Variants in FER observed in about 807,000 individuals in gnomAD.
FER encodes the protein FER tyrosine kinase, also known as tyrosine-protein kinase Fer.
Under a neutral mutation model 111.0 loss-of-function variants are expected in FER, and 63 were observed. The ratio of observed to expected loss-of-function variants is 0.57; its 90% CI spans 0.46 to 0.70. The LOEUF is 0.70. Ranked by LOEUF, FER falls within the 30% of genes least tolerant of loss-of-function variation. The pLI is 0.00. For missense variants in FER, 914 were observed against 954.0 expected (o/e 0.96, Z 0.55); for synonymous variants, 327 against 313.9 (o/e 1.04, Z -0.44).
intron 13 of FER, among the ~76,000 whole-genome samples, chr5:109,001,186 G>A (rs1764716719): frequency 6.6e-6 from 1 of 152,056 alleles, no homozygotes; most frequent in South Asian, 2.1e-4. Flanking sequence ...CAAAAAAAGA[G>A]AATTTTAGAC....
rs189284714 is a variant in FER, at chr5:108,863,313, G to A, written c.482-4454G>A. 4.9e-3 allele frequency among the ~76,000 whole-genome samples: 740 copies of A among 152,218 alleles called. 6 individuals carry two copies. Among genetic ancestry groups the A allele is most frequent in the Middle Eastern group, 0.014 (4 of 294 alleles). On this transcript the variant is annotated intron_variant, in intron 5 of 19. Transcript: ENST00000281092. ...TGTTTTGTATTTTAGTAGAGATGGG[G>A]TTTCACTGTGTTGGCCAGGCTGGCC... is the stretch of plus-strand genomic sequence containing the variant.
At chr5:109,147,682 G>A (rs1053801202) in intron 17 of FER, among the ~76,000 whole-genome samples, 1 of 151,700 alleles carries the variant, frequency 6.6e-6, no homozygotes, top group Non-Finnish European at 1.5e-5. Flanking sequence ...AGGCAGGCCA[G>A]ATGTTAGAAT....
chr5:109,080,534 G>A (rs1358919469), intron 16 of FER, among the ~76,000 whole-genome samples: 2 of 152,054 alleles, frequency 1.3e-5, no homozygotes, highest in East Asian at 3.8e-4. Flanking sequence ...GAATCAAGGA[G>A]TTGATTCTTA....
At chr5:109,131,660 A>G (rs79740979) in intron 17 of FER, among the ~76,000 whole-genome samples, 6,382 of 152,194 alleles carry the variant, frequency 0.042, 164 homozygotes, top group South Asian at 0.084. Flanking sequence ...TCTTTTCCCC[A>G]CATAACTGAT....
intron 3 of FER, among the ~76,000 whole-genome samples, chr5:108,817,696 A>G (rs75258317): frequency 6.6e-6 from 1 of 152,216 alleles, no homozygotes; most frequent in Non-Finnish European, 1.5e-5. Context: ...GAGCACTTAA[A>G]TTAATACCTG....
intron 11 of FER, among the ~76,000 whole-genome samples, chr5:108,947,164 A>C (rs949996836): frequency 6.6e-6 from 1 of 151,856 alleles, no homozygotes; most frequent in Non-Finnish European, 1.5e-5. Flanking sequence ...GTTCGTTTTC[A>C]AGTGTTTTTC....
intron 10 of FER, among the ~76,000 whole-genome samples, chr5:108,902,690 C>G (rs1390366973): frequency 6.6e-6 from 1 of 152,128 alleles, no homozygotes; most frequent in Non-Finnish European, 1.5e-5. Flanking sequence ...GGGATAATGA[C>G]AGATTAAATG....
At chr5:109,037,719 G>A (rs1005383340) in intron 14 of FER, among the ~76,000 whole-genome samples, 4 of 151,922 alleles carry the variant, frequency 2.6e-5, no homozygotes, top group Non-Finnish European at 5.9e-5. Flanking sequence ...TTTTCCCCTG[G>A]AAGGACTAAA....
At chr5:109,176,268 G>A (rs1026470500) in intron 17 of FER, among the ~76,000 whole-genome samples, 3 of 152,138 alleles carry the variant, frequency 2.0e-5, no homozygotes, top group African/African-American at 7.2e-5. Flanking sequence ...AATGTGGTGT[G>A]TATACATACA....
chr5:109,100,934 A>T (rs1023810084), intron 17 of FER, among the ~76,000 whole-genome samples: 2 of 151,546 alleles, frequency 1.3e-5, no homozygotes, highest in African/African-American at 4.8e-5. Flanking sequence ...CATAACAGTG[A>T]ATTTGGTCAA....
intron 13 of FER, among the ~76,000 whole-genome samples, chr5:108,977,817 C>T (rs1445558994): frequency 6.6e-6 from 1 of 152,148 alleles, no homozygotes; most frequent in African/African-American, 2.4e-5. Flanking sequence ...CAATGTGGGT[C>T]AGACACTTGT....
intron 17 of FER, among the ~76,000 whole-genome samples, chr5:109,119,256 T>C (rs1750660406): frequency 6.6e-6 from 1 of 152,210 alleles, no homozygotes; most frequent in Non-Finnish European, 1.5e-5. Context: ...CTGCCTTCAT[T>C]TTGTTATGTA....
At chr5:109,045,267 G>A (rs967226994) in intron 15 of FER, among the ~76,000 whole-genome samples, 4 of 146,998 alleles carry the variant, frequency 2.7e-5, no homozygotes, top group African/African-American at 1.0e-4. Flanking sequence ...ATACATTTAA[G>A]TATATACATT....
chr5:108,768,493 T>C (rs1003258597), intron 2 of FER, among the ~76,000 whole-genome samples: 1 of 152,336 alleles, frequency 6.6e-6, no homozygotes. Context: ...CTGTATCTCT[T>C]CCTCAATCTG....
chr5:108,748,696 G>C (rs1230737006), intron 1 of FER: 1 of 152,268 alleles, frequency 6.6e-6, no homozygotes, highest in Non-Finnish European at 1.5e-5. Context: ...CCCGCAGCTT[G>C]GGCTAAGCGT....
chr5:108,786,825 A>G (rs532587838), intron 2 of FER, among the ~76,000 whole-genome samples: 100 of 151,830 alleles, frequency 6.6e-4, no homozygotes, highest in African/African-American at 2.3e-3. Context: ...CTTAAACCCT[A>G]TTTTTTTTCA....
chr5:108,774,205 A>G (rs62361336), intron 2 of FER, among the ~76,000 whole-genome samples: 1 of 151,890 alleles, frequency 6.6e-6, no homozygotes, highest in South Asian at 2.1e-4. Context: ...TTGCAGCTTC[A>G]TCCATGTCCC....
At chr5:108,888,108 A>G (rs2150301007) in intron 9 of FER, among the ~76,000 whole-genome samples, 1 of 152,048 alleles carries the variant, frequency 6.6e-6, no homozygotes, top group Non-Finnish European at 1.5e-5. Flanking sequence ...AGAGACTTGC[A>G]AAATGTCACA....
At chr5:108,759,872 A>G (rs1322400969) in intron 1 of FER, among the ~76,000 whole-genome samples, 1 of 152,226 alleles carries the variant, frequency 6.6e-6, no homozygotes, top group Non-Finnish European at 1.5e-5. Flanking sequence ...TTTTCAATAC[A>G]TGAATTATGG....
Sources: gnomAD v4.1 joint callset for allele counts (sites outside exome capture counted in the v4.1 genomes callset) on GRCh38, gnomAD v4.1.1 for gene constraint, MANE v1.5 for transcripts, NCBI Gene and HGNC (gene_info 2026-07-23, HGNC 2026-07-21) for gene names.